The following DENND2B variants were observed in gnomAD, a reference collection of about 807,000 sequenced individuals.
The protein encoded by DENND2B is DENN domain-containing protein 2B.
In DENND2B, 32 loss-of-function variants were observed where a neutral mutation model predicts 116.0. That is an observed-to-expected ratio of 0.28 (90% CI 0.21 to 0.37). The LOEUF (loss-of-function observed/expected upper bound fraction) is 0.37. Among genes scored for constraint, DENND2B ranks in the 10% least tolerant of loss-of-function variants. The pLI is 1.00. For synonymous variants in DENND2B, 588 were observed against 583.9 expected, an observed-to-expected ratio of 1.01 and a Z score of -0.10; for missense variants, 1,276 against 1,477.7, an observed-to-expected ratio of 0.86 and a Z score of 2.24.
chr11:8,707,067 G>C lies in DENND2B; in HGVS notation c.2571+18C>G, dbSNP rs2042734463. The C allele has an allele frequency of 6.2e-7, 1 of 1,607,500 alleles. No homozygotes were observed. Among genetic ancestry groups the C allele is most frequent in the African/African-American group, 1.3e-5 (1 of 74,872 alleles). On this transcript the variant is annotated intron_variant, in intron 13 of 19. Coordinates refer to ENST00000313726, the MANE Select transcript of DENND2B (RefSeq NM_213618.2). This position sits in a 1 kb window ranked among gnomAD's most constrained non-coding sequence, Gnocchi z 4.8. Reference sequence around the variant, plus strand: ...CCCCAGCCCGTAGCCCGAGAGAAGAGGGTGCAGAAATCCCTACCTCATTGC... The same window carrying C: ...CCCCAGCCCGTAGCCCGAGAGAAGACGGTGCAGAAATCCCTACCTCATTGC...
At chr11:8,816,171 C>T (rs1295172263) in intron 4 of DENND2B, among the ~76,000 whole-genome samples, 1 of 152,090 alleles carries the variant, frequency 6.6e-6, no homozygotes, top group East Asian at 1.9e-4. Flanking sequence ...TTTCAAATGC[C>T]TCTGGGAAGC....
chr11:8,766,346 G>A (rs950637286), intron 1 of DENND2B, among the ~76,000 whole-genome samples: 3 of 152,066 alleles, frequency 2.0e-5, no homozygotes, highest in East Asian at 1.9e-4. Flanking sequence ...CAGCCCAGGC[G>A]CCTGCACATC....
intron 1 of DENND2B, among the ~76,000 whole-genome samples, chr11:8,882,966 C>T (rs868796626): frequency 6.6e-5 from 10 of 152,086 alleles, no homozygotes; most frequent in East Asian, 1.9e-4. Flanking sequence ...CCAGCCTGGA[C>T]GACAGAGTGA....
intron 1 of DENND2B, among the ~76,000 whole-genome samples, chr11:8,795,083 C>T (rs1480531865): frequency 6.6e-6 from 1 of 152,220 alleles, no homozygotes; most frequent in Non-Finnish European, 1.5e-5. Flanking sequence ...TGCCACCAAT[C>T]CTAATGAAAT....
At chr11:8,828,852 C>T (rs2062080963) in intron 4 of DENND2B, among the ~76,000 whole-genome samples, 1 of 152,000 alleles carries the variant, frequency 6.6e-6, no homozygotes, top group African/African-American at 2.4e-5. Context: ...GAGCGGGGAG[C>T]AGAGGTGGAA....
chr11:8,734,949 C>G (rs931081734), intron 2 of DENND2B, among the ~76,000 whole-genome samples: 2 of 140,084 alleles, frequency 1.4e-5, no homozygotes, highest in African/African-American at 5.3e-5. Context: ...AGAGTAATCA[C>G]CTGGGAAATT....
rs188530130 is a variant in DENND2B at position 8,726,966 on chromosome 11, C to A, written c.1341-757G>T. On this transcript the variant is annotated intron_variant, in intron 3 of 19. Transcript: ENST00000313726. ...CAGGCTTCCCTTCAGCTAGCTTGCT[C>A]CTTTCCATCCTTTGGACAACCTTCC... Among the ~76,000 whole-genome samples the A allele has an allele frequency of 1.6e-4, 24 of 152,338 alleles. No homozygotes were observed. In the East Asian group the frequency reaches 4.1e-3, roughly 26 times the overall value.
At position 8,730,701 on chromosome 11, in the gene DENND2B, C is replaced by A. The variant is rs190334085; in HGVS notation, c.589G>T (p.Ala197Ser). Reference sequence around the variant, plus strand: ...CCCAGGCTGGGGCAGCCCTCACTGGCCGCCCACTCGCTCCCAGAGCCCTCC... The same window carrying A: ...CCCAGGCTGGGGCAGCCCTCACTGGACGCCCACTCGCTCCCAGAGCCCTCC... The part of the protein sequence containing the change: ...KREGSGSEWA[A>S]SEGCPSLGCP... The change falls in exon 3 of 20, where the codon GCC (alanine) becomes TCC (serine). Residue 197 changes from alanine to serine, a missense_variant. Coordinates refer to ENST00000313726, the MANE Select transcript of DENND2B (RefSeq NM_213618.2). The surrounding 1 kb of genome is among the most constrained non-coding windows in gnomAD (Gnocchi z 4.1). 48 of 1,611,744 alleles carry A rather than the reference C, an allele frequency of 3.0e-5. 2 individuals are homozygous for A. The East Asian group carries it at 1.0e-3, about 34-fold the overall frequency.
chr11:8,731,168 C>A lies in DENND2B; in HGVS notation c.122G>T (p.Arg41Met). The change falls in exon 3 of 20, where the codon AGG becomes ATG. Residue 41 changes from arginine to methionine, a missense_variant. Around this residue, in one of 2 missense-constraint regions of DENND2B, gnomAD observed 856 missense variants for 846.6 expected, o/e 1.01. Transcript: ENST00000313726. ...ATCACTGAGCGGGTAGATGGGACTCCTTGGTGGGGAGAGAACTGGAGGTGG... is the reference window on the plus strand; with the variant it reads ...ATCACTGAGCGGGTAGATGGGACTCATTGGTGGGGAGAGAACTGGAGGTGG... Reference protein sequence around the residue: ...VSPPPVLSPPRSPIYPLSDSE... With the variant: ...VSPPPVLSPPMSPIYPLSDSE... 6.5e-7 allele frequency: 1 copy of A among 1,540,534 alleles called. No individual in the cohort carries two copies. Among genetic ancestry groups the A allele is most frequent in the Non-Finnish European group, 8.7e-7 (1 of 1,143,770 alleles).
At chr11:8,867,790 C>A (rs1409629700) in intron 2 of DENND2B, among the ~76,000 whole-genome samples, 1 of 151,814 alleles carries the variant, frequency 6.6e-6, no homozygotes, top group Non-Finnish European at 1.5e-5. Context: ...ACCATGTTGC[C>A]CAGGCTGGTC....
chr11:8,883,027 A>G (rs1386167788), intron 1 of DENND2B, among the ~76,000 whole-genome samples: 28 of 152,224 alleles, frequency 1.8e-4, no homozygotes, highest in Non-Finnish European at 1.5e-5. Flanking sequence ...TTTAAAATAA[A>G]CATTCCCAAG....
At chr11:8,696,383 G>A in intron 18 of DENND2B, 44 bp downstream of exon 18, 1 of 1,607,960 alleles carries the variant, frequency 6.2e-7, no homozygotes, top group Admixed American at 1.7e-5. Flanking sequence ...CAGCCCTGCT[G>A]TGGGTGAAAA....
At chr11:8,764,343 A>C (rs1276294300) in intron 1 of DENND2B, among the ~76,000 whole-genome samples, 1 of 152,026 alleles carries the variant, frequency 6.6e-6, no homozygotes, top group Non-Finnish European at 1.5e-5. Context: ...TTTTTTCCTC[A>C]AATTTGGAAG....
intron 1 of DENND2B, among the ~76,000 whole-genome samples, chr11:8,789,860 C>T (rs1269941727): frequency 1.3e-5 from 2 of 152,112 alleles, no homozygotes; most frequent in East Asian, 3.8e-4. Context: ...GAGGCTGAGG[C>T]CCCCACCATC....
intron 4 of DENND2B, chr11:8,718,393 G>A (rs1024952453): frequency 1.0e-5 from 16 of 1,534,880 alleles, no homozygotes; most frequent in African/African-American, 2.7e-5. Flanking sequence ...TCACAGAACC[G>A]TAGGGAGCAG....
rs747128246 is a variant in DENND2B at position 8,696,686 on chromosome 11, C to CT, written c.3053-21dup. 748 of 1,612,298 alleles carry CT rather than the reference C, an allele frequency of 4.6e-4. 1 individual carries two copies. The highest frequency in any genetic ancestry group is 5.7e-4 in the Non-Finnish European group (675 of 1,178,684). ...TACATTCTGGAAGGGAAAAGACAAT[C>CT]TTTGAGGTTCAGGTCAAGAGCCTGC... On this transcript the variant is annotated intron_variant, in intron 17 of 19. Transcript: ENST00000313726.
chr11:8,801,574 G>T (rs1200626018), intron 1 of DENND2B, among the ~76,000 whole-genome samples: 1 of 151,940 alleles, frequency 6.6e-6, no homozygotes, highest in Non-Finnish European at 1.5e-5. Context: ...CTACTCGGTA[G>T]GCTGAGACAG....
At chr11:8,715,428 A>G (rs1471338016) in intron 6 of DENND2B, 175 bp downstream of exon 6, 1 of 634,632 alleles carries the variant, frequency 1.6e-6, no homozygotes, top group African/African-American at 1.8e-5. Context: ...TATTGATAAG[A>G]AAGGGGAATT....
intron 2 of DENND2B, among the ~76,000 whole-genome samples, chr11:8,739,631 C>T (rs2049832246): frequency 1.3e-5 from 2 of 152,244 alleles, no homozygotes; most frequent in South Asian, 2.1e-4. Context: ...GCACTTGTGC[C>T]GTGGCCTTGT....
Sources: gnomAD v4.1 joint callset for allele counts (sites outside exome capture counted in the v4.1 genomes callset) on GRCh38, gnomAD v4.1.1 for gene constraint, gnomAD v4.1.1 regional missense constraint, Gnocchi (gnomAD v3.1) non-coding constraint, MANE v1.5 for transcripts, NCBI Gene and HGNC (gene_info 2026-07-23, HGNC 2026-07-21) for gene names.